CCDC85A: variants seen among roughly 807,000 people sequenced by gnomAD.
The protein encoded by CCDC85A is coiled-coil domain-containing protein 85A.
CCDC85A carries 38 observed loss-of-function variants against 50.2 expected under a neutral mutation model. The ratio of observed to expected loss-of-function variants is 0.76; its 90% confidence interval spans 0.58 to 0.99. CCDC85A has a LOEUF of 0.99. Among genes scored for constraint, CCDC85A ranks in the 50% least tolerant of loss-of-function variants. The pLI, the probability that CCDC85A is intolerant of heterozygous loss-of-function variation, is 0.00. For missense variants in CCDC85A, 820 were observed against 742.0 expected (o/e 1.11, Z -1.22); for synonymous variants, 366 against 301.4 (o/e 1.21, Z -2.22).
At chr2:56,294,246 A>C (rs1486226024) in intron 2 of CCDC85A, among the ~76,000 whole-genome samples, 1 of 152,116 alleles carries the variant, frequency 6.6e-6, no homozygotes, top group African/African-American at 2.4e-5. Context: ...ATGAGAACAC[A>C]TGGACACAAG....
intron 2 of CCDC85A, among the ~76,000 whole-genome samples, chr2:56,224,653 G>A (rs72919065): frequency 6.8e-4 from 104 of 152,180 alleles, no homozygotes; most frequent in African/African-American, 2.4e-3. Flanking sequence ...CCTTCATAGT[G>A]GATATGAAGT....
intron 2 of CCDC85A, among the ~76,000 whole-genome samples, chr2:56,279,724 T>A (rs1419934034): frequency 6.6e-6 from 1 of 152,168 alleles, no homozygotes; most frequent in African/African-American, 2.4e-5. Context: ...GTCCTCTAGA[T>A]TCATTCCTGT....
At chr2:56,276,581 C>T (rs906463763) in intron 2 of CCDC85A, among the ~76,000 whole-genome samples, 9 of 152,058 alleles carry the variant, frequency 5.9e-5, no homozygotes, top group East Asian at 3.9e-4. Context: ...TCTCTCTTGC[C>T]GCTGCCACGT....
intron 5 of CCDC85A, among the ~76,000 whole-genome samples, chr2:56,377,896 A>T (rs10207429): frequency 0.17 from 25,668 of 151,882 alleles, 2,248 homozygotes; most frequent in South Asian, 0.18. Flanking sequence ...TCAAAAAAAA[A>T]AAAAAAAGAT....
intron 2 of CCDC85A, among the ~76,000 whole-genome samples, chr2:56,292,283 C>T (rs931227501): frequency 1.3e-5 from 2 of 152,100 alleles, no homozygotes; most frequent in African/African-American, 2.4e-5. Context: ...CGGGGTTTCA[C>T]CGTGTTAGCC....
At chr2:56,221,317 G>C (rs1013913994) in intron 2 of CCDC85A, among the ~76,000 whole-genome samples, 4 of 151,790 alleles carry the variant, frequency 2.6e-5, no homozygotes, top group African/African-American at 9.7e-5. Flanking sequence ...CACTTAACCA[G>C]GTTCCATTTA....
intron 2 of CCDC85A, among the ~76,000 whole-genome samples, chr2:56,234,423 C>G (rs891674967): frequency 2.6e-5 from 4 of 152,164 alleles, no homozygotes; most frequent in African/African-American, 4.8e-5. Context: ...ACTGGCTCCT[C>G]TCGAGCTTGC....
intron 2 of CCDC85A, among the ~76,000 whole-genome samples, chr2:56,253,209 C>T (rs775151691): frequency 2.5e-4 from 38 of 152,254 alleles, no homozygotes; most frequent in South Asian, 2.1e-4. Flanking sequence ...CAAGTCCCTA[C>T]GCCCATCAAG....
chr2:56,190,949 C>T (rs1052162677), intron 1 of CCDC85A, among the ~76,000 whole-genome samples: 9 of 152,214 alleles, frequency 5.9e-5, no homozygotes, highest in Non-Finnish European at 2.9e-5. Context: ...CCTTTCCCGT[C>T]GCTGACCATG....
intron 5 of CCDC85A, among the ~76,000 whole-genome samples, chr2:56,377,186 G>A (rs1392642706): frequency 6.6e-6 from 1 of 152,204 alleles, no homozygotes; most frequent in African/African-American, 2.4e-5. Flanking sequence ...AATTCACAAA[G>A]TGAGCAACTG....
intron 2 of CCDC85A, among the ~76,000 whole-genome samples, chr2:56,341,843 C>T (rs2104320527): frequency 6.6e-6 from 1 of 152,340 alleles, no homozygotes; most frequent in East Asian, 1.9e-4. Context: ...AGTCAAAATT[C>T]ATTCTAACTC....
chr2:56,220,866 A>G (rs1481071757), intron 2 of CCDC85A, among the ~76,000 whole-genome samples: 2 of 151,962 alleles, frequency 1.3e-5, no homozygotes, highest in Admixed American at 1.3e-4. Context: ...ATGTTCCATA[A>G]ATCTAGAGGA....
At position 56,303,629 on chromosome 2, in the gene CCDC85A, T is replaced by C. The variant is rs1471472352; in HGVS notation, c.1241-39250T>C. Reference sequence around the variant, plus strand: ...AGAATGAATGAGGAATTGGTCCTTATGAGAACTAAATAATTATTATTTTTT... The same window carrying C: ...AGAATGAATGAGGAATTGGTCCTTACGAGAACTAAATAATTATTATTTTTT... On this transcript the variant is annotated intron_variant, in intron 2 of 5. Transcript: ENST00000407595. Among the ~76,000 whole-genome samples, 9 of 152,310 alleles carry C rather than the reference T, an allele frequency of 5.9e-5. No individual in the cohort carries two copies. The East Asian group carries it at 1.5e-3, about 26-fold the overall frequency.
chr2:56,196,361 G>A (rs1362612408), intron 2 of CCDC85A, among the ~76,000 whole-genome samples: 1 of 152,114 alleles, frequency 6.6e-6, no homozygotes, highest in Admixed American at 6.5e-5. Context: ...AGGCATTCAG[G>A]CATTTGTCCA....
At chr2:56,270,578 C>A (rs891445447) in intron 2 of CCDC85A, among the ~76,000 whole-genome samples, 1 of 152,220 alleles carries the variant, frequency 6.6e-6, no homozygotes. Context: ...AAGTCAAGAA[C>A]TGGTGGACCT....
At chr2:56,349,354 A>G (rs772614079) in intron 3 of CCDC85A, among the ~76,000 whole-genome samples, 8 of 152,202 alleles carry the variant, frequency 5.3e-5, no homozygotes, top group Non-Finnish European at 7.3e-5. Flanking sequence ...GACAGATGGG[A>G]GCAGCACGAG....
At chr2:56,262,156 T>A (rs1670245848) in intron 2 of CCDC85A, among the ~76,000 whole-genome samples, 1 of 152,146 alleles carries the variant, frequency 6.6e-6, no homozygotes, top group Non-Finnish European at 1.5e-5. Context: ...GTGGGAAGAT[T>A]CAGTCTCCTG....
At chr2:56,291,020 T>G (rs1196956603) in intron 2 of CCDC85A, among the ~76,000 whole-genome samples, 1 of 152,212 alleles carries the variant, frequency 6.6e-6, no homozygotes, top group Non-Finnish European at 1.5e-5. Context: ...GTAACTCTTT[T>G]GGGGGATTAT....
intron 2 of CCDC85A, among the ~76,000 whole-genome samples, chr2:56,328,040 A>G (rs774041574): frequency 6.6e-6 from 1 of 152,138 alleles, no homozygotes; most frequent in Non-Finnish European, 1.5e-5. Context: ...AACACTGGCT[A>G]AAAGTTACAA....
Sources: gnomAD v4.1 joint callset for allele counts (sites outside exome capture counted in the v4.1 genomes callset) on GRCh38, gnomAD v4.1.1 for gene constraint, MANE v1.5 for transcripts, NCBI Gene and HGNC (gene_info 2026-07-23, HGNC 2026-07-21) for gene names.